Variants in CYSTM1 observed in about 807,000 individuals in gnomAD.
CYSTM1 encodes cysteine-rich transmembrane module-containing protein 1.
Under a neutral mutation model 13.1 loss-of-function variants are expected in CYSTM1, and 4 were observed. The ratio of observed to expected loss-of-function variants is 0.31; its 90% CI spans 0.15 to 0.70. The LOEUF (loss-of-function observed/expected upper bound fraction) is 0.70. Ranked by LOEUF, CYSTM1 falls within the 30% of genes least tolerant of loss-of-function variation. CYSTM1 has a pLI of 0.72. For missense variants in CYSTM1, 96 were observed against 121.6 expected (o/e 0.79, Z 0.99); for synonymous variants, 36 against 42.7 (o/e 0.84, Z 0.62).
chr5:140,199,198 G>T, intron 2 of CYSTM1, among the ~76,000 whole-genome samples: 1 of 152,144 alleles, frequency 6.6e-6, no homozygotes, highest in East Asian at 1.9e-4. Flanking sequence ...TCTTTATCCA[G>T]TCTATCATTG....
intron 2 of CYSTM1, among the ~76,000 whole-genome samples, chr5:140,222,696 A>G: frequency 6.6e-6 from 1 of 152,194 alleles, no homozygotes. Context: ...GCCCCTGCCT[A>G]GAAGGATGTT....
Position 140,219,173 on chromosome 5 carries a change from G to C in CYSTM1, c.188-24132G>C, listed in dbSNP as rs1443825646. Among the ~76,000 whole-genome samples the C allele has an allele frequency of 6.6e-6, 1 of 152,096 alleles. No individual in the cohort carries two copies. Among genetic ancestry groups the C allele is most frequent in the African/African-American group, 2.4e-5 (1 of 41,402 alleles). On this transcript the variant is annotated intron_variant, in intron 2 of 2. Transcript: ENST00000261811. This position sits in a 1 kb window ranked among gnomAD's most constrained non-coding sequence, Gnocchi z 4.1. ...CTGTCTCCTTTTCTCTGCTGGTGAA[G>C]TCTCTAGCCTCACATTTGCCAAATA...
At chr5:140,190,120 A>G (rs1441290548) in intron 1 of CYSTM1, among the ~76,000 whole-genome samples, 2 of 152,180 alleles carry the variant, frequency 1.3e-5, no homozygotes, top group African/African-American at 4.8e-5. Context: ...ATTCTGCTCT[A>G]TTGATCTGTT....
chr5:140,226,065 G>T (rs755620411), intron 2 of CYSTM1, among the ~76,000 whole-genome samples: 1 of 152,202 alleles, frequency 6.6e-6, no homozygotes, highest in Non-Finnish European at 1.5e-5. Context: ...GGAGGGGTCT[G>T]CCTGAAAGGT....
At chr5:140,241,682 T>C (rs975029570) in intron 2 of CYSTM1, among the ~76,000 whole-genome samples, 3 of 152,168 alleles carry the variant, frequency 2.0e-5, no homozygotes, top group Admixed American at 1.3e-4. Context: ...GAGCTGCCCA[T>C]GCAGGATCCC....
intron 2 of CYSTM1, among the ~76,000 whole-genome samples, chr5:140,233,627 C>A (rs1370418449): frequency 6.6e-6 from 1 of 152,218 alleles, no homozygotes; most frequent in Non-Finnish European, 1.5e-5. Flanking sequence ...GGTGGCTCTG[C>A]ATCTTTGCCA....
At chr5:140,177,943 G>A (rs1763912009) in intron 1 of CYSTM1, among the ~76,000 whole-genome samples, 1 of 152,112 alleles carries the variant, frequency 6.6e-6, no homozygotes, top group Non-Finnish European at 1.5e-5. Context: ...GTGCTGTCAG[G>A]GCAGTTAAGT....
intron 2 of CYSTM1, among the ~76,000 whole-genome samples, chr5:140,212,984 T>TATAG (rs1764387378): frequency 4.6e-5 from 1 of 21,612 alleles, no homozygotes; most frequent in African/African-American, 1.7e-4. Context: ...AAAACAAAAG[T>TATAG]ATATATATAT....
At chr5:140,177,079 A>ACAAAAAAAAAAC (rs1288055869) in intron 1 of CYSTM1, among the ~76,000 whole-genome samples, 1 of 119,712 alleles carries the variant, frequency 8.4e-6, no homozygotes, top group African/African-American at 2.8e-5. Context: ...AAAAAAAAAA[A>ACAAAAAAAAAAC]AAAAAAAATC....
At chr5:140,206,240 A>T (rs879286915) in intron 2 of CYSTM1, among the ~76,000 whole-genome samples, 1 of 63,414 alleles carries the variant, frequency 1.6e-5, no homozygotes, top group African/African-American at 5.5e-5. Context: ...CCCCTCCCCC[A>T]CCCCATATAA....
chr5:140,212,424 C>T (rs1456101530), intron 2 of CYSTM1, among the ~76,000 whole-genome samples: 1 of 152,152 alleles, frequency 6.6e-6, no homozygotes, highest in Non-Finnish European at 1.5e-5. Context: ...AAGCATGGCA[C>T]ATACAATTAT....
At chr5:140,177,742 AT>A (rs1348474926) in intron 1 of CYSTM1, among the ~76,000 whole-genome samples, 1 of 152,112 alleles carries the variant, frequency 6.6e-6, no homozygotes, top group Non-Finnish European at 1.5e-5. Context: ...TATGATAGTG[AT>A]TTTTAAGGGG....
intron 2 of CYSTM1, among the ~76,000 whole-genome samples, chr5:140,214,127 C>T (rs1764402060): frequency 6.6e-6 from 1 of 152,200 alleles, no homozygotes; most frequent in Non-Finnish European, 1.5e-5. Context: ...CTCATTCCTT[C>T]TGACTTAGGT....
intron 2 of CYSTM1, among the ~76,000 whole-genome samples, chr5:140,238,127 G>A (rs547931383): frequency 1.4e-4 from 22 of 152,200 alleles, no homozygotes; most frequent in African/African-American, 5.1e-4. Context: ...TTGGGACTAA[G>A]CTTCACAGAA....
chr5:140,223,483 G>A (rs1303460523), intron 2 of CYSTM1, among the ~76,000 whole-genome samples: 1 of 152,246 alleles, frequency 6.6e-6, no homozygotes, highest in Non-Finnish European at 1.5e-5. Context: ...AGGAAGAGGA[G>A]GGAATGTCAG....
chr5:140,200,394 T>A (rs1015249516), intron 2 of CYSTM1: 3 of 152,264 alleles, frequency 2.0e-5, no homozygotes, highest in Non-Finnish European at 4.4e-5. Flanking sequence ...TCCCCATTGC[T>A]TGTTTTCGTC....
intron 2 of CYSTM1, among the ~76,000 whole-genome samples, chr5:140,220,953 G>A (rs1298865742): frequency 6.6e-6 from 1 of 152,184 alleles, no homozygotes. Context: ...AACGTACAGA[G>A]TTTTGCCTGC....
chr5:140,206,214 G>A (rs1581064630), intron 2 of CYSTM1, among the ~76,000 whole-genome samples: 1 of 151,750 alleles, frequency 6.6e-6, no homozygotes, highest in African/African-American at 2.4e-5. Context: ...AGTCAGAAAG[G>A]CCTTCCAGTC....
chr5:140,211,522 A>G (rs1581066327), intron 2 of CYSTM1, among the ~76,000 whole-genome samples: 1 of 152,214 alleles, frequency 6.6e-6, no homozygotes, highest in Non-Finnish European at 1.5e-5. Context: ...CTTGTCTATG[A>G]TCCCCCAGAT....
Sources: allele counts gnomAD v4.1 joint callset (sites outside exome capture counted in the v4.1 genomes callset), GRCh38; gene constraint gnomAD v4.1.1; non-coding constraint Gnocchi (gnomAD v3.1); transcripts MANE v1.5; gene names NCBI Gene and HGNC (gene_info 2026-07-23, HGNC 2026-07-21).